Variants in PARVB observed in about 807,000 individuals in gnomAD.
The protein encoded by PARVB is beta-parvin.
PARVB carries 46 observed loss-of-function variants against 47.0 expected under a neutral mutation model. The ratio of observed to expected loss-of-function variants is 0.98; its 90% CI spans 0.77 to 1.25. PARVB has a LOEUF of 1.25. Ranked by LOEUF, PARVB falls within the 50% of genes most tolerant of loss-of-function variation. PARVB has a pLI of 0.00. For synonymous variants in PARVB, 196 were observed against 196.3 expected (o/e 1.00, Z 0.01); for missense variants, 473 against 471.6 (o/e 1.00, Z -0.03).
At chr22:44,023,527 T>C (rs6006621), upstream of PARVB, among the ~76,000 whole-genome samples, 5,269 of 93,274 alleles carry the variant, frequency 0.056, 164 homozygotes, top group South Asian at 0.18. Flanking sequence ...TAAAATAAAA[T>C]AAAACAAAAC....
In PARVB at chr22:44,161,886, A is replaced by C. The variant is rs188170918; in HGVS notation, c.946-1972A>C. 8.6e-5 allele frequency among the ~76,000 whole-genome samples: 13 copies of C among 152,016 alleles called. No homozygotes were observed. In the East Asian group the frequency reaches 2.3e-3, roughly 27 times the overall value. ...TCCTCAGGCCCAGCCCTGGTGCAGC[A>C]CTCCCGCATCTCCAGGCAGGCTGTC... On this transcript the variant is annotated intron_variant, in intron 11 of 12. Coordinates refer to ENST00000338758, the MANE Select transcript of PARVB (RefSeq NM_013327.5).
chr22:44,165,895 G>A (rs12167883), intron 12 of PARVB, among the ~76,000 whole-genome samples: 3 of 152,200 alleles, frequency 2.0e-5, no homozygotes, highest in African/African-American at 4.8e-5. Flanking sequence ...CTGCTAGCTC[G>A]GCGTTAGTGT....
chr22:44,144,820 C>G (rs1277436834), intron 8 of PARVB: 1 of 152,238 alleles, frequency 6.6e-6, no homozygotes, highest in African/African-American at 2.4e-5. Flanking sequence ...CAAAACAAAA[C>G]AAAAGAAAAC....
At chr22:44,120,946 T>G (rs2053032798) in intron 4 of PARVB, among the ~76,000 whole-genome samples, 1 of 151,966 alleles carries the variant, frequency 6.6e-6, no homozygotes. Context: ...CTAGTTCAAG[T>G]GATTCTCCTG....
upstream of PARVB, among the ~76,000 whole-genome samples, chr22:44,022,297 C>T (rs940930621): frequency 2.0e-5 from 3 of 152,100 alleles, no homozygotes; most frequent in African/African-American, 7.2e-5. Flanking sequence ...GGTGGGTCTT[C>T]TCCTCCTTTA....
intron 4 of PARVB, among the ~76,000 whole-genome samples, chr22:44,129,033 G>T (rs1023078100): frequency 7.2e-5 from 11 of 152,150 alleles, no homozygotes; most frequent in Non-Finnish European, 1.6e-4. Flanking sequence ...AGCTGAGATG[G>T]TGCCATTGCA....
chr22:44,133,349 G>C (rs760670199), intron 6 of PARVB, among the ~76,000 whole-genome samples: 1 of 152,086 alleles, frequency 6.6e-6, no homozygotes, highest in African/African-American at 2.4e-5. Flanking sequence ...TTGGCCCCGC[G>C]GGATGAAACA....
intron 2 of PARVB, among the ~76,000 whole-genome samples, chr22:44,019,070 C>T (rs913198398): frequency 2.7e-5 from 4 of 150,586 alleles, no homozygotes; most frequent in Non-Finnish European, 5.9e-5. Flanking sequence ...GCGCCTGCCA[C>T]CATACCTGGC....
At chr22:44,047,584 C>T (rs1365037254) in intron 1 of PARVB, among the ~76,000 whole-genome samples, 1 of 152,018 alleles carries the variant, frequency 6.6e-6, no homozygotes, top group African/African-American at 2.4e-5. Context: ...TCACTTGAAC[C>T]CAGGAGGCGG....
At position 44,068,095 on chromosome 22, in the gene PARVB, C is replaced by T. The variant is rs2051574925; in HGVS notation, c.113-25833C>T. 1.2e-5 allele frequency among the ~76,000 whole-genome samples: 1 copy of T among 84,028 alleles called. No individual in the cohort carries two copies. The highest frequency in any genetic ancestry group is 5.0e-5 in the African/African-American group (1 of 20,000). 55.1% of individuals were successfully genotyped at this position (84,028 alleles called of 152,430 possible). A position where few individuals can be genotyped will look rare whatever the true frequency, so the allele number is the denominator to read the frequency against. On this transcript the variant is annotated intron_variant, in intron 1 of 12. Transcript: ENST00000338758. This position sits in a 1 kb window ranked among gnomAD's most constrained non-coding sequence, Gnocchi z 4.1. ...GGGCCTCCCGTGGGCCTCACCGCTT[C>T]CTGCTTCAGCAGAACTGGGATTGTC...
At chr22:44,032,278 A>G (rs993016115) in intron 1 of PARVB, among the ~76,000 whole-genome samples, 2 of 152,186 alleles carry the variant, frequency 1.3e-5, no homozygotes, top group Non-Finnish European at 2.9e-5. Context: ...TCCAGTCTCT[A>G]GGGCTCCCAG....
rs77318391 is a variant in PARVB, at chr22:44,005,070, T to C, written c.211+5397T>C. Among the ~76,000 whole-genome samples the C allele has an allele frequency of 5.2e-4, 79 of 152,340 alleles. 1 individual carries two copies. Among genetic ancestry groups the C allele is most frequent in the African/African-American group, 1.9e-3 (78 of 41,582 alleles). On this transcript the variant is annotated intron_variant, in intron 2 of 13. Transcript: ENST00000406477. ...AGGTGGGAAAAATACAACAGCTCTT[T>C]AAAAATCAATGATTAAAAAAATTTT...
chr22:44,052,997 T>C (rs2051239422), intron 1 of PARVB, among the ~76,000 whole-genome samples: 1 of 151,978 alleles, frequency 6.6e-6, no homozygotes, highest in African/African-American at 2.4e-5. Context: ...GTGGGCCAGA[T>C]TTGCTCACTG....
intron 1 of PARVB, 25 bp downstream of exon 1, chr22:44,024,476 A>AC: frequency 5.4e-6 from 6 of 1,112,620 alleles, no homozygotes; most frequent in African/African-American, 1.7e-5. Context: ...GCGCCCGCCG[A>AC]CCCCCGGGGA....
intron 1 of PARVB, among the ~76,000 whole-genome samples, chr22:44,052,038 G>A (rs762269104): frequency 8.5e-5 from 13 of 152,218 alleles, no homozygotes; most frequent in South Asian, 2.1e-4. Context: ...CCGACACCTT[G>A]ATCTCAGACT....
chr22:44,026,073 T>C (rs563238950), intron 1 of PARVB, among the ~76,000 whole-genome samples: 1 of 152,294 alleles, frequency 6.6e-6, no homozygotes, highest in African/African-American at 2.4e-5. Context: ...AAGTCTTTCA[T>C]AGAATGGCAA....
intron 1 of PARVB, chr22:44,026,212 G>C: frequency 1.7e-6 from 1 of 583,240 alleles, no homozygotes; most frequent in Non-Finnish European, 2.2e-6. Context: ...TCTCCTCCTT[G>C]CCTGTATGAA....
At chr22:44,126,745 G>T (rs892641490) in intron 4 of PARVB, among the ~76,000 whole-genome samples, 3 of 152,164 alleles carry the variant, frequency 2.0e-5, no homozygotes, top group African/African-American at 7.2e-5. Context: ...AAACTTGAGT[G>T]TTTTGTTCAC....
Position 44,129,351 on chromosome 22 carries a change from G to A in PARVB, c.377-2136G>A, listed in dbSNP as rs139055174. ...AAATCTCCGTTGTTTAAGCCGCACG[G>A]TGTGTGGCATGCTTCGTTGCAGCAG... On this transcript the variant is annotated intron_variant, in intron 4 of 12. Coordinates refer to ENST00000338758, the MANE Select transcript of PARVB (RefSeq NM_013327.5). Among the ~76,000 whole-genome samples the A allele has an allele frequency of 4.5e-3, 678 of 152,282 alleles. 9 individuals are homozygous for A. Among genetic ancestry groups the A allele is most frequent in the African/African-American group, 0.016 (647 of 41,556 alleles).
Sources: allele counts gnomAD v4.1 joint callset (sites outside exome capture counted in the v4.1 genomes callset), GRCh38; gene constraint gnomAD v4.1.1; non-coding constraint Gnocchi (gnomAD v3.1); transcripts MANE v1.5; gene names NCBI Gene and HGNC (gene_info 2026-07-23, HGNC 2026-07-21).